The following L3MBTL4 variants were observed in gnomAD, a reference collection of about 807,000 sequenced individuals.
L3MBTL4 encodes the protein lethal(3)malignant brain tumor-like protein 4.
A neutral mutation model predicts 84.5 loss-of-function variants in L3MBTL4; 70 were observed. The ratio of observed to expected loss-of-function variants is 0.83; its 90% confidence interval spans 0.68 to 1.01. The LOEUF is 1.01. Ranked by LOEUF, L3MBTL4 falls within the 50% of genes least tolerant of loss-of-function variation. The pLI is 0.00. For missense variants in L3MBTL4, 715 were observed against 754.8 expected (o/e 0.95, Z 0.62); for synonymous variants, 274 against 259.8 (o/e 1.05, Z -0.52).
chr18:6,159,120 C>T (rs1335955122), intron 13 of L3MBTL4, among the ~76,000 whole-genome samples: 1 of 152,134 alleles, frequency 6.6e-6, no homozygotes, highest in East Asian at 1.9e-4. Context: ...GCTTTGCTGC[C>T]CTCTTCCCCT....
intron 10 of L3MBTL4, among the ~76,000 whole-genome samples, chr18:6,233,078 A>G (rs976904037): frequency 9.9e-5 from 15 of 152,190 alleles, no homozygotes; most frequent in Admixed American, 2.6e-4. Flanking sequence ...CCACATGATT[A>G]TCTCAATAGA....
intron 1 of L3MBTL4, among the ~76,000 whole-genome samples, chr18:6,398,762 G>A (rs1434701834): frequency 1.4e-5 from 2 of 140,964 alleles, no homozygotes; most frequent in South Asian, 2.6e-4. Flanking sequence ...GGGGGCGGGG[G>A]AGAAAAAAAA....
chr18:6,025,972 TTCTA>T (rs1383536891), intron 16 of L3MBTL4, among the ~76,000 whole-genome samples: 1 of 152,230 alleles, frequency 6.6e-6, no homozygotes, highest in East Asian at 1.9e-4. Flanking sequence ...AATATTTTGC[TTCTA>T]TCTATCTGAT....
At chr18:6,391,037 A>G (rs942264148) in intron 1 of L3MBTL4, among the ~76,000 whole-genome samples, 6 of 152,096 alleles carry the variant, frequency 3.9e-5, no homozygotes, top group African/African-American at 1.4e-4. Context: ...AAAAAAAACA[A>G]AAGTCTACAG....
chr18:6,390,883 G>GA (rs2055019777), intron 1 of L3MBTL4, among the ~76,000 whole-genome samples: 3 of 152,112 alleles, frequency 2.0e-5, no homozygotes, highest in African/African-American at 7.2e-5. Flanking sequence ...CGTATTCACA[G>GA]CTGAATTCTA....
chr18:6,190,173 A>T (rs2045003415), intron 12 of L3MBTL4, among the ~76,000 whole-genome samples: 1 of 152,224 alleles, frequency 6.6e-6, no homozygotes, highest in Non-Finnish European at 1.5e-5. Context: ...AAGAGTACAT[A>T]CTGTATGACC....
intron 7 of L3MBTL4, 110 bp from the exon 8 acceptor site, chr18:6,241,559 GA>G (rs899214510): frequency 3.2e-5 from 18 of 561,546 alleles, no homozygotes; most frequent in Non-Finnish European, 5.3e-5. Context: ...ACTTTTAATG[GA>G]AAAAAAACGC....
In L3MBTL4 at chr18:6,201,507, A is replaced by T. The variant is rs574053333; in HGVS notation, c.981+11642T>A. Among the ~76,000 whole-genome samples the T allele has an allele frequency of 2.6e-5, 4 of 152,306 alleles. No individual in the cohort carries two copies. In the East Asian group the frequency reaches 5.8e-4, roughly 22 times the overall value. On this transcript the variant is annotated intron_variant, in intron 12 of 18. Coordinates refer to ENST00000317931, the MANE Select transcript of L3MBTL4 (RefSeq NM_001330559.2). ...TTAGGGCTGTCTTGGACATTTGTAG[A>T]GAAAAATTTGAAGGCAAATCTCTCA...
intron 13 of L3MBTL4, among the ~76,000 whole-genome samples, chr18:6,144,966 C>T (rs28566654): frequency 0.014 from 2,155 of 152,288 alleles, 50 homozygotes; most frequent in African/African-American, 0.048. Flanking sequence ...AGTGATCTGT[C>T]ATGCAAGAAT....
chr18:6,029,296 T>G (rs1598480952), intron 16 of L3MBTL4: 1 of 301,150 alleles, frequency 3.3e-6, no homozygotes, highest in South Asian at 1.3e-4. Flanking sequence ...CCCAGGAGTA[T>G]GCTTAAATAC....
rs71370544 is a variant in L3MBTL4, at chr18:6,095,346, G to GTTTT, written c.1200-1822_1200-1819dup. Among the ~76,000 whole-genome samples, 58 of 122,924 alleles carry GTTTT rather than the reference G, an allele frequency of 4.7e-4. 3 individuals carry two copies. Among genetic ancestry groups the GTTTT allele is most frequent in the African/African-American group, 1.8e-3 (54 of 29,194 alleles). 80.6% of individuals were successfully genotyped at this position (122,924 alleles called of 152,430 possible). ...AATCAGGCTGAAGAAGGGGAACATG[G>GTTTT]TTTTTTTTTTTTTTTTTTTGAGATG... On this transcript the variant is annotated intron_variant, in intron 14 of 18. Transcript: ENST00000317931.
intron 1 of L3MBTL4, among the ~76,000 whole-genome samples, chr18:6,389,059 G>T (rs1306044543): frequency 6.6e-6 from 1 of 152,190 alleles, no homozygotes; most frequent in Non-Finnish European, 1.5e-5. Flanking sequence ...CAAGGTACAG[G>T]TATCACTTTT....
chr18:5,978,673 C>A (rs1466394600), intron 16 of L3MBTL4, among the ~76,000 whole-genome samples: 1 of 152,232 alleles, frequency 6.6e-6, no homozygotes, highest in African/African-American at 2.4e-5. Context: ...AAAGGCCCTA[C>A]TCCCTTATAC....
At chr18:6,244,276 C>T (rs1418781783) in intron 6 of L3MBTL4, among the ~76,000 whole-genome samples, 2 of 152,098 alleles carry the variant, frequency 1.3e-5, no homozygotes, top group African/African-American at 4.8e-5. Context: ...AGAATAAATG[C>T]TAGTTGATGA....
Position 6,225,455 on chromosome 18 carries a change from A to C in L3MBTL4, c.785-9620T>G, listed in dbSNP as rs141069404. ...GAAAAAATGTTAAGGCAGCACAAGG[A>C]AAATAAAAAATACATTAAGGGTGGC... On this transcript the variant is annotated intron_variant, in intron 10 of 18. Coordinates refer to ENST00000317931, the MANE Select transcript of L3MBTL4 (RefSeq NM_001330559.2). 1.7e-3 allele frequency among the ~76,000 whole-genome samples: 261 copies of C among 152,278 alleles called. 1 individual carries two copies. The highest frequency in any genetic ancestry group is 3.7e-3 in the Admixed American group (57 of 15,296).
At chr18:6,295,346 C>CTCTCTCTCTCTCTATATATATA (rs1261475809) in intron 4 of L3MBTL4, among the ~76,000 whole-genome samples, 1 of 81,388 alleles carries the variant, frequency 1.2e-5, no homozygotes, top group African/African-American at 6.6e-5. Flanking sequence ...CTCTCTCTCT[C>CTCTCTCTCTCTCTATATATATA]TATATATATA....
chr18:6,127,871 T>C (rs1212025844), intron 14 of L3MBTL4, among the ~76,000 whole-genome samples: 1 of 152,168 alleles, frequency 6.6e-6, no homozygotes, highest in African/African-American at 2.4e-5. Context: ...TCACCATTGA[T>C]GGGCTCCAGC....
chr18:6,323,181 CT>C (rs2147080105), intron 1 of L3MBTL4, among the ~76,000 whole-genome samples: 1 of 152,312 alleles, frequency 6.6e-6, no homozygotes, highest in African/African-American at 2.4e-5. Context: ...CCAATTAAAC[CT>C]CTTTTCTTAA....
intron 1 of L3MBTL4, among the ~76,000 whole-genome samples, chr18:6,366,047 C>G (rs1431744354): frequency 6.6e-6 from 1 of 152,208 alleles, no homozygotes. Context: ...TCTGTAACCT[C>G]AATTATATAC....
Sources: gnomAD v4.1 joint callset for allele counts (sites outside exome capture counted in the v4.1 genomes callset) on GRCh38, gnomAD v4.1.1 for gene constraint, MANE v1.5 for transcripts, NCBI Gene and HGNC (gene_info 2026-07-23, HGNC 2026-07-21) for gene names.